Variants in KANTR observed in about 807,000 individuals in gnomAD.
KANTR encodes KANTR integral membrane protein, also known as KDM5C adjacent transcript.
chrX:53,104,064 G>A (rs2146720169), intron 2 of KANTR, among the ~76,000 whole-genome samples: 1 of 110,713 alleles, frequency 9.0e-6, no homozygotes, highest in Non-Finnish European at 1.9e-5. Context: ...TTTTGAGACA[G>A]GGTCTTACTG....
intron 2 of KANTR, among the ~76,000 whole-genome samples, chrX:53,120,629 CTT>C (rs1188835851): frequency 9.0e-6 from 1 of 111,444 alleles, no homozygotes; most frequent in Non-Finnish European, 1.9e-5. Context: ...TTTTTTATCT[CTT>C]TTGCAGGTAT....
chrX:53,134,254 C>T (rs1556817354), intron 2 of KANTR, among the ~76,000 whole-genome samples: 1 of 110,144 alleles, frequency 9.1e-6, no homozygotes, highest in African/African-American at 3.3e-5. Flanking sequence ...GTCAGCTGCT[C>T]GGGAGACTGA....
chrX:53,122,192 G>A (rs782733918), intron 2 of KANTR, among the ~76,000 whole-genome samples: 3 of 111,824 alleles, frequency 2.7e-5, no homozygotes, highest in East Asian at 2.8e-4. Flanking sequence ...TTGCCAGTTG[G>A]CTCCTGTGTC....
intron 2 of KANTR, among the ~76,000 whole-genome samples, chrX:53,102,902 T>C (rs1239454647): frequency 9.0e-6 from 1 of 110,719 alleles, no homozygotes; most frequent in African/African-American, 3.3e-5. Flanking sequence ...CTGTCAGTTC[T>C]GTGATTTGCC....
At chrX:53,128,720 T>A (rs1226676234), downstream of KANTR, among the ~76,000 whole-genome samples, 1 of 111,461 alleles carries the variant, frequency 9.0e-6, no homozygotes, top group African/African-American at 3.3e-5. Context: ...TTTTACTATA[T>A]CTTTTATGTT....
intron 2 of KANTR, among the ~76,000 whole-genome samples, chrX:53,104,297 G>A (rs1361990167): frequency 2.7e-5 from 3 of 110,280 alleles, no homozygotes; most frequent in Non-Finnish European, 5.7e-5. Flanking sequence ...TACAATCTCG[G>A]CTCACTGCAA....
downstream of KANTR, among the ~76,000 whole-genome samples, chrX:53,146,457 GAAAC>G (rs1556819366): frequency 9.0e-6 from 1 of 111,466 alleles, no homozygotes. Flanking sequence ...AGAATAAAAA[GAAAC>G]AAAGCCTCCA....
intron 2 of KANTR, chrX:53,113,062 TG>T: frequency 4.4e-6 from 1 of 228,720 alleles, no homozygotes; most frequent in Non-Finnish European, 8.7e-6. Context: ...ATTATAATTA[TG>T]AACTTTAACA....
chrX:53,129,621 T>TG (rs1320967199), downstream of KANTR, among the ~76,000 whole-genome samples: 2 of 110,288 alleles, frequency 1.8e-5, no homozygotes, highest in Admixed American at 9.7e-5. Context: ...TTATTACTGT[T>TG]GCAAAGTCTA....
chrX:53,107,447 A>T (rs1556812987), intron 2 of KANTR, among the ~76,000 whole-genome samples: 1 of 105,063 alleles, frequency 9.5e-6, no homozygotes, highest in Non-Finnish European at 1.9e-5. Context: ...TCAGCAGTTT[A>T]TCAATTTCTT....
At chrX:53,130,684 C>G (rs1933350539), downstream of KANTR, among the ~76,000 whole-genome samples, 1 of 111,998 alleles carries the variant, frequency 8.9e-6, no homozygotes, top group African/African-American at 3.2e-5. Context: ...TTTGCTGTTA[C>G]TACCATTATT....
intron 2 of KANTR, among the ~76,000 whole-genome samples, chrX:53,109,322 G>T (rs1932995125): frequency 8.9e-6 from 1 of 111,917 alleles, no homozygotes; most frequent in South Asian, 3.7e-4. Context: ...CGCTCTTGTT[G>T]CCCAGGCTGG....
At chrX:53,101,447 A>T (rs1423037908) in intron 2 of KANTR, among the ~76,000 whole-genome samples, 4 of 111,934 alleles carry the variant, frequency 3.6e-5, no homozygotes, top group African/African-American at 1.3e-4. Flanking sequence ...CTCCAAAAAA[A>T]TAAAAATAAA....
chrX:53,102,758 A>G (rs1481975619), intron 2 of KANTR, among the ~76,000 whole-genome samples: 1 of 111,267 alleles, frequency 9.0e-6, no homozygotes, highest in Non-Finnish European at 1.9e-5. Context: ...ACAGACATAC[A>G]CCCATATCTG....
chrX:53,118,122 G>C (rs1408928288), intron 2 of KANTR, among the ~76,000 whole-genome samples: 1 of 111,386 alleles, frequency 9.0e-6, no homozygotes, highest in Non-Finnish European at 1.9e-5. Context: ...GCATTCTTAG[G>C]TGTATCTCCT....
At chrX:53,097,300 C>G (rs927913814) in intron 1 of KANTR, among the ~76,000 whole-genome samples, 1 of 107,153 alleles carries the variant, frequency 9.3e-6, no homozygotes, top group African/African-American at 3.4e-5. Flanking sequence ...CCTAGTTACC[C>G]TTTCCAGACA....
chrX:53,125,486 T>G (rs1933282936), exon 3 of KANTR: 1 of 111,714 alleles, frequency 9.0e-6, no homozygotes, highest in Non-Finnish European at 1.9e-5. Flanking sequence ...TTTTCTCGCC[T>G]GCTTTTTTAG....
chrX:53,143,115 G>A, downstream of KANTR: 1 of 1,148,340 alleles, frequency 8.7e-7, no homozygotes. Context: ...AGGATTCCAT[G>A]CCCAAGAAGG....
At chrX:53,110,941 G>A (rs1177764763) in intron 2 of KANTR, among the ~76,000 whole-genome samples, 2 of 109,612 alleles carry the variant, frequency 1.8e-5, no homozygotes, top group Middle Eastern at 4.8e-3. Context: ...AAAGAGTTTG[G>A]AAGTATGCCT....
Sources: allele counts gnomAD v4.1 joint callset (sites outside exome capture counted in the v4.1 genomes callset), GRCh38; gene constraint gnomAD v4.1.1; transcripts MANE v1.5; gene names NCBI Gene and HGNC (gene_info 2026-07-23, HGNC 2026-07-21).